SLF2: variants seen among roughly 807,000 people sequenced by gnomAD.
SLF2 encodes SMC5/6 complex localization factor 2, also known as SMC5-SMC6 complex localization factor protein 2.
SLF2 carries 68 observed loss-of-function variants against 124.3 expected under a neutral mutation model. The ratio of observed to expected loss-of-function variants is 0.55; its 90% CI spans 0.45 to 0.67. The LOEUF is 0.67. Ranked by LOEUF, SLF2 falls within the 30% of genes least tolerant of loss-of-function variation. The probability of loss-of-function intolerance (pLI) is 0.00; values close to 1 mark genes in which losing one functional copy is unlikely to be tolerated. For missense variants in SLF2, 1,246 were observed against 1,373.7 expected, an observed-to-expected ratio of 0.91 and a Z score of 1.47; for synonymous variants, 480 against 478.8, an observed-to-expected ratio of 1.00 and a Z score of -0.03.
intron 16 of SLF2, 124 bp from the exon 17 acceptor site, chr10:100,950,552 T>C (rs909664364): frequency 7.7e-6 from 6 of 774,782 alleles, no homozygotes; most frequent in African/African-American, 3.5e-5. Flanking sequence ...TTTTACTTAC[T>C]GACCAGCTGG....
intron 1 of SLF2, chr10:100,913,924 A>ATTAAG (rs1849369589): frequency 2.1e-6 from 2 of 955,254 alleles, no homozygotes; most frequent in Non-Finnish European, 1.2e-6. Context: ...GTTAAATTGT[A>ATTAAG]TTAAGTTTTA....
At position 100,964,958 on chromosome 10, in the gene SLF2, T is replaced by C. The variant is rs575768405; in HGVS notation, c.*3046T>C. On this transcript the variant is annotated 3_prime_UTR_variant, in exon 20 of 20. Coordinates refer to ENST00000238961, the MANE Select transcript of SLF2 (RefSeq NM_018121.4). The stretch of plus-strand genomic sequence containing the variant: ...CAGTGTCGGCGCACCTCATTATCTG[T>C]GCATTTGTTTTTCCTGGGCAGTCCT... 2 of 152,668 alleles carry C rather than the reference T, an allele frequency of 1.3e-5. No homozygotes were observed. Among genetic ancestry groups the C allele is most frequent in the African/African-American group, 4.8e-5 (2 of 41,550 alleles). The allele number at this position is 152,668 out of a possible 1,614,324, so 9.5% of individuals were successfully genotyped here.
At chr10:100,943,161 T>A (rs1049795965) in intron 11 of SLF2, among the ~76,000 whole-genome samples, 3 of 152,172 alleles carry the variant, frequency 2.0e-5, no homozygotes, top group Admixed American at 6.6e-5. Flanking sequence ...TAGGTATGGT[T>A]GAAAAGGGCT....
At chr10:100,932,428 T>G (rs925746608) in intron 9 of SLF2, among the ~76,000 whole-genome samples, 1 of 152,182 alleles carries the variant, frequency 6.6e-6, no homozygotes, top group Non-Finnish European at 1.5e-5. Context: ...GTATCAATGG[T>G]GTCAGAGAAC....
chr10:100,939,410 G>T (rs978638753), intron 11 of SLF2, among the ~76,000 whole-genome samples: 19 of 151,408 alleles, frequency 1.3e-4, no homozygotes, highest in African/African-American at 3.9e-4. Flanking sequence ...AGGCATGGTG[G>T]CTCACGCCTG....
intron 9 of SLF2, among the ~76,000 whole-genome samples, chr10:100,932,958 T>A (rs553352787): frequency 5.5e-4 from 84 of 152,278 alleles, no homozygotes; most frequent in African/African-American, 2.0e-3. Context: ...CGTGGACACA[T>A]GCTCCAGATA....
chr10:100,933,940 A>G (rs200978952), intron 9 of SLF2, among the ~76,000 whole-genome samples: 3 of 152,338 alleles, frequency 2.0e-5, no homozygotes, highest in East Asian at 1.9e-4. Flanking sequence ...CGGCCTCCCA[A>G]AGTTCTGGGA....
chr10:100,949,587 A>G (rs918557454), intron 15 of SLF2, among the ~76,000 whole-genome samples: 2 of 151,254 alleles, frequency 1.3e-5, no homozygotes, highest in African/African-American at 4.9e-5. Context: ...TAAATCTTTA[A>G]CTTAAAATCC....
At chr10:100,950,283 G>A (rs1200915653) in intron 16 of SLF2, 76 bp downstream of exon 16, 3 of 1,432,796 alleles carry the variant, frequency 2.1e-6, no homozygotes, top group Non-Finnish European at 9.3e-7. Flanking sequence ...AGACTGATAT[G>A]TAGGCATTTC....
rs569503980 is a variant in SLF2 at position 100,924,595 on chromosome 10, G to C, written c.1594G>C (p.Asp532His). 6.3e-5 allele frequency: 101 copies of C among 1,614,038 alleles called. 1 individual carries two copies. In the South Asian group the frequency reaches 1.1e-3, roughly 17 times the overall value. ...KEHKAKTNKA[D>H]SNVSSGKISG... ...ACACAAAGCAAAGACTAATAAGGCC[G>C]ATTCTAATGTATCTTCAGGGAAAAT... is the stretch of plus-strand genomic sequence containing the variant. The change falls in exon 5 of 20, where the codon GAT (aspartate) becomes CAT (histidine). Residue 532 changes from aspartate to histidine, a missense_variant. Around this residue, in one of 3 missense-constraint regions of SLF2, gnomAD observed 698 missense variants for 708.9 expected, o/e 0.98. Transcript: ENST00000238961.
At chr10:100,934,404 G>A (rs1463075302) in intron 9 of SLF2, among the ~76,000 whole-genome samples, 1 of 151,982 alleles carries the variant, frequency 6.6e-6, no homozygotes, top group African/African-American at 2.4e-5. Context: ...TTCACCCACC[G>A]CAAAAAGATT....
chr10:100,918,812 C>A (rs1037552825), intron 4 of SLF2, among the ~76,000 whole-genome samples: 1 of 151,976 alleles, frequency 6.6e-6, no homozygotes, highest in Non-Finnish European at 1.5e-5. Context: ...TTTGTAGAGA[C>A]GAGGTTTCGC....
intron 6 of SLF2, among the ~76,000 whole-genome samples, chr10:100,927,007 A>T (rs1382541041): frequency 6.6e-6 from 1 of 152,174 alleles, no homozygotes; most frequent in Non-Finnish European, 1.5e-5. Flanking sequence ...AATAATATAA[A>T]TTCCTTTCTG....
At chr10:100,931,458 G>A (rs532178900) in intron 9 of SLF2, among the ~76,000 whole-genome samples, 5 of 151,188 alleles carry the variant, frequency 3.3e-5, no homozygotes, top group African/African-American at 9.7e-5. Flanking sequence ...TTCCCCATTC[G>A]TATATATGGT....
intron 6 of SLF2, chr10:100,926,557 G>T: frequency 4.6e-6 from 1 of 216,370 alleles, no homozygotes; most frequent in Non-Finnish European, 9.0e-6. Context: ...AGTGAGCTGT[G>T]ATTGAGCCAC....
At position 100,945,523 on chromosome 10, in the gene SLF2, C is replaced by T. The variant is rs746734716; in HGVS notation, c.2934+17C>T. The stretch of plus-strand genomic sequence containing the variant: ...AACACAAAGGTAATGTTACTTAAAA[C>T]TTCATTATTCATTTTTTATATAGCA... On this transcript the variant is annotated intron_variant, in intron 13 of 19. Coordinates refer to ENST00000238961, the MANE Select transcript of SLF2 (RefSeq NM_018121.4). 1.3e-6 allele frequency: 2 copies of T among 1,517,824 alleles called. No homozygotes were observed. The highest frequency in any genetic ancestry group is 1.8e-6 in the Non-Finnish European group (2 of 1,142,246). The allele number at this position is 1,517,824 out of a possible 1,614,324, so 94.0% of individuals were successfully genotyped here.
rs147132029 is a variant in SLF2 at position 100,917,065 on chromosome 10, C to A, written c.680C>A (p.Pro227Gln). The A allele has an allele frequency of 2.5e-6, 4 of 1,614,154 alleles. No homozygotes were observed. The Admixed American group carries it at 6.7e-5, about 27-fold the overall frequency. ...AGGAGCAGCCTGTCCAGGCACCACC[C>A]GGAAGAAAGCCCACTGGGAGCTAAA... ...SSRSSLSRHH[P>Q]EESPLGAKFQ... The change falls in exon 3 of 20, where the codon CCG becomes CAG. Residue 227 changes from proline to glutamine, a missense_variant. Around this residue, in one of 3 missense-constraint regions of SLF2, gnomAD observed 698 missense variants for 708.9 expected, o/e 0.98. Coordinates refer to ENST00000238961, the MANE Select transcript of SLF2 (RefSeq NM_018121.4).
chr10:100,960,260 A>G (rs1850404356), intron 19 of SLF2, among the ~76,000 whole-genome samples: 1 of 152,240 alleles, frequency 6.6e-6, no homozygotes, highest in African/African-American at 2.4e-5. Flanking sequence ...TTATGTGAAT[A>G]TGTGTTCTCA....
At chr10:100,958,281 T>C (rs1850369013) in intron 18 of SLF2, among the ~76,000 whole-genome samples, 1 of 152,242 alleles carries the variant, frequency 6.6e-6, no homozygotes. Flanking sequence ...ATTTAACATA[T>C]GTATTTATTT....
Sources: allele counts gnomAD v4.1 joint callset (sites outside exome capture counted in the v4.1 genomes callset), GRCh38; gene constraint gnomAD v4.1.1; regional missense constraint gnomAD v4.1.1; transcripts MANE v1.5; gene names NCBI Gene and HGNC (gene_info 2026-07-23, HGNC 2026-07-21).